The following KLF8 variants were observed in gnomAD, a reference collection of about 807,000 sequenced individuals.
The protein encoded by KLF8 is KLF transcription factor 8.
A neutral mutation model predicts 18.2 loss-of-function variants in KLF8; 10 were observed. The ratio of observed to expected loss-of-function variants is 0.55; its 90% confidence interval spans 0.34 to 0.93. The LOEUF is 0.93. Ranked by LOEUF, KLF8 falls within the 40% of genes least tolerant of loss-of-function variation. The probability of loss-of-function intolerance (pLI) is 0.02; values close to 1 mark genes in which losing one functional copy is unlikely to be tolerated. For missense variants in KLF8, 264 were observed against 277.9 expected, an observed-to-expected ratio of 0.95 and a Z score of 0.36; for synonymous variants, 109 against 97.3, an observed-to-expected ratio of 1.12 and a Z score of -0.71.
At position 56,237,953 on chromosome X, in the gene KLF8, C is replaced by T. The variant is rs2066498023; in HGVS notation, c.7+4612C>T. ...TCTGGTGTGTCTTCTTAGAAAGACA[C>T]TAATCCTATCAGATCAGAACCTCAC... On this transcript the variant is annotated intron_variant, in intron 1 of 5. Transcript: ENST00000468660. Among the ~76,000 whole-genome samples, 3 of 111,621 alleles carry T rather than the reference C, an allele frequency of 2.7e-5. No individual in the cohort carries two copies. The South Asian group carries it at 1.1e-3, about 42-fold the overall frequency.
chrX:56,077,078 C>T, the KLF8 span, among the ~76,000 whole-genome samples: 1 of 111,304 alleles, frequency 9.0e-6, no homozygotes, highest in African/African-American at 3.3e-5. Context: ...AAATTTTCTC[C>T]CATTTTGTAG....
chrX:56,251,579 C>T (rs1217930642), intron 2 of KLF8, among the ~76,000 whole-genome samples: 1 of 110,814 alleles, frequency 9.0e-6, no homozygotes, highest in Non-Finnish European at 1.9e-5. Flanking sequence ...TCTTCTGCCT[C>T]AGCCTCCTGA....
At chrX:56,220,600 C>T in the KLF8 span, among the ~76,000 whole-genome samples, 1 of 111,644 alleles carries the variant, frequency 9.0e-6, no homozygotes, top group Non-Finnish European at 1.9e-5. Context: ...ATTCTCCTGC[C>T]TCAGCCTCCC....
At chrX:56,248,061 G>T (rs2066649323) in intron 1 of KLF8, among the ~76,000 whole-genome samples, 1 of 111,282 alleles carries the variant, frequency 9.0e-6, no homozygotes, top group South Asian at 3.8e-4. Context: ...CTAGGTGATA[G>T]GAATTTTTTA....
chrX:56,134,532 G>A, the KLF8 span, among the ~76,000 whole-genome samples: 6 of 111,832 alleles, frequency 5.4e-5, no homozygotes, highest in African/African-American at 1.9e-4. Context: ...TAACTTAAAT[G>A]TAAGACCTGA....
the KLF8 span, among the ~76,000 whole-genome samples, chrX:56,061,986 CTTTTT>C: frequency 3.5e-5 from 2 of 57,153 alleles, no homozygotes; most frequent in African/African-American, 2.7e-4. Flanking sequence ...GCAACCCCTG[CTTTTT>C]TTTTTTTTTT....
the KLF8 span, among the ~76,000 whole-genome samples, chrX:56,101,500 T>A: frequency 8.9e-6 from 1 of 111,972 alleles, no homozygotes. Context: ...GATTCCTTCG[T>A]CAAATGGTAG....
At chrX:56,198,610 A>G in the KLF8 span, among the ~76,000 whole-genome samples, 1 of 112,254 alleles carries the variant, frequency 8.9e-6, no homozygotes, top group South Asian at 3.7e-4. Context: ...AAATGGAAGA[A>G]TATTCCATGC....
chrX:56,064,010 C>CAT, the KLF8 span, among the ~76,000 whole-genome samples: 6 of 107,862 alleles, frequency 5.6e-5, no homozygotes, highest in East Asian at 8.6e-4. Context: ...TACACACACA[C>CAT]ATATATATAG....
chrX:56,168,502 CT>C, the KLF8 span, among the ~76,000 whole-genome samples: 1 of 111,884 alleles, frequency 8.9e-6, no homozygotes, highest in Non-Finnish European at 1.9e-5. Context: ...AAAAAATAGT[CT>C]TTTTTATTAT....
the KLF8 span, among the ~76,000 whole-genome samples, chrX:56,058,298 A>ATATATATATATG: frequency 4.0e-5 from 3 of 74,561 alleles, no homozygotes; most frequent in African/African-American, 1.4e-4. Flanking sequence ...ATATATATAT[A>ATATATATATATG]TATATATATA....
Position 56,289,902 on chromosome X carries a change from C to G in KLF8, c.*5408C>G, listed in dbSNP as rs1055853857. On this transcript the variant is annotated 3_prime_UTR_variant, in exon 6 of 6. Coordinates refer to ENST00000468660, the MANE Select transcript of KLF8 (RefSeq NM_007250.5). ...GATCTGAGTTCCAAGATTCTGGGGT[C>G]TATCCTGCCCCCAAAAAGTTTTCTC... Among the ~76,000 whole-genome samples, 2 of 111,358 alleles carry G rather than the reference C, an allele frequency of 1.8e-5. No homozygotes were observed. Among genetic ancestry groups the G allele is most frequent in the South Asian group, 3.8e-4 (1 of 2,646 alleles).
chrX:55,997,552 C>G, the KLF8 span, among the ~76,000 whole-genome samples: 2 of 111,458 alleles, frequency 1.8e-5, no homozygotes, highest in Non-Finnish European at 3.8e-5. Flanking sequence ...TGTAGGATTC[C>G]CAGCTTTTTC....
chrX:56,180,458 C>G, the KLF8 span, among the ~76,000 whole-genome samples: 1 of 110,667 alleles, frequency 9.0e-6, no homozygotes, highest in African/African-American at 3.3e-5. Context: ...GTGTCTCTAT[C>G]TCCTTCAGTT....
intron 5 of KLF8, among the ~76,000 whole-genome samples, chrX:56,279,532 C>T (rs2067169853): frequency 8.9e-6 from 1 of 111,921 alleles, no homozygotes; most frequent in South Asian, 3.7e-4. Context: ...ATAAGCTTGC[C>T]TTGTTCTAAT....
chrX:55,931,406 C>T, the KLF8 span, among the ~76,000 whole-genome samples: 16 of 111,409 alleles, frequency 1.4e-4, no homozygotes, highest in Non-Finnish European at 2.8e-4. Flanking sequence ...TTCTTGTCTT[C>T]TTCCAGCTTT....
chrX:55,962,146 C>A, the KLF8 span: 428 of 148,308 alleles, frequency 2.9e-3, 2 homozygotes, highest in Non-Finnish European at 4.9e-3. Context: ...TATTATAATC[C>A]TCCCCTCAAT....
the KLF8 span, among the ~76,000 whole-genome samples, chrX:56,025,930 G>A: frequency 0.088 from 9,922 of 112,341 alleles, 1,051 homozygotes; most frequent in African/African-American, 0.31. Context: ...GCAGTCCTCC[G>A]TGTGAAAAGA....
At chrX:55,995,740 A>T in the KLF8 span, among the ~76,000 whole-genome samples, 1 of 111,833 alleles carries the variant, frequency 8.9e-6, no homozygotes, top group Non-Finnish European at 1.9e-5. Flanking sequence ...TTTCTGCTGA[A>T]ACTTCCACTG....
Sources: gnomAD v4.1 joint callset for allele counts (sites outside exome capture counted in the v4.1 genomes callset) on GRCh38, gnomAD v4.1.1 for gene constraint, MANE v1.5 for transcripts, NCBI Gene and HGNC (gene_info 2026-07-23, HGNC 2026-07-21) for gene names.